PLET1: variants seen among roughly 807,000 people sequenced by gnomAD.
PLET1 encodes the protein placenta-expressed transcript 1 protein.
Under a neutral mutation model 18.5 loss-of-function variants are expected in PLET1, and 20 were observed. That is an observed-to-expected ratio of 1.08 (90% confidence interval 0.76 to 1.57). PLET1 has a LOEUF of 1.57. PLET1 is among the 40% of genes most tolerant of loss of function. The probability of loss-of-function intolerance (pLI) is 0.00; values close to 1 mark genes in which losing one functional copy is unlikely to be tolerated. For synonymous variants in PLET1, 93 were observed against 93.8 expected (o/e 0.99, Z 0.05); for missense variants, 256 against 246.4 (o/e 1.04, Z -0.26).
intron 1 of PLET1, among the ~76,000 whole-genome samples, chr11:112,259,059 T>C (rs1162617912): frequency 6.6e-6 from 1 of 152,220 alleles, no homozygotes; most frequent in Non-Finnish European, 1.5e-5. Context: ...CGAGTTTTGG[T>C]TGTGCTATTT....
intron 1 of PLET1, among the ~76,000 whole-genome samples, chr11:112,255,902 T>C (rs879604989): frequency 6.6e-6 from 1 of 152,218 alleles, no homozygotes; most frequent in Non-Finnish European, 1.5e-5. Context: ...GCTCTGGTTT[T>C]GCTACACACG....
chr11:112,248,617 G>A lies in PLET1; in HGVS notation c.*182C>T, dbSNP rs1013045982. The A allele has an allele frequency of 4.7e-6, 3 of 638,784 alleles. No homozygotes were observed. Among genetic ancestry groups the A allele is most frequent in the Non-Finnish European group, 8.1e-6 (3 of 372,504 alleles). 39.6% of individuals were successfully genotyped at this position (638,784 alleles called of 1,614,324 possible). On this transcript the variant is annotated 3_prime_UTR_variant, in exon 4 of 4. Coordinates refer to ENST00000338832, the MANE Select transcript of PLET1 (RefSeq NM_001145024.1). ...CTGAAAGATCCAGATGAACATCTAT[G>A]TGACCCAAGCCTGCCAATGAGTGCC...
chr11:112,258,311 T>C (rs1158240676), intron 1 of PLET1, among the ~76,000 whole-genome samples: 9 of 141,734 alleles, frequency 6.3e-5, no homozygotes, highest in African/African-American at 2.4e-4. Context: ...TGAGATAGAG[T>C]CTTGCTCTGT....
chr11:112,252,242 G>T, intron 3 of PLET1, 106 bp downstream of exon 3: 2 of 960,350 alleles, frequency 2.1e-6, no homozygotes, highest in Non-Finnish European at 1.6e-6. Context: ...AGATAGCTGA[G>T]TGATGCGTGG....
chr11:112,254,810 G>T, intron 2 of PLET1, among the ~76,000 whole-genome samples: 1 of 134,820 alleles, frequency 7.4e-6, no homozygotes, highest in Admixed American at 7.5e-5. Flanking sequence ...GTGCATGTGT[G>T]GTGTGTGTGG....
At chr11:112,250,415 A>G (rs550649834) in intron 3 of PLET1, among the ~76,000 whole-genome samples, 28 of 151,392 alleles carry the variant, frequency 1.8e-4, no homozygotes, top group Non-Finnish European at 3.5e-4. Flanking sequence ...ACAAGGACAC[A>G]CTCCTGTAAC....
At chr11:112,256,800 T>C (rs543501101) in intron 1 of PLET1, among the ~76,000 whole-genome samples, 18 of 152,374 alleles carry the variant, frequency 1.2e-4, no homozygotes, top group African/African-American at 4.3e-4. Flanking sequence ...TCTAGATCTG[T>C]GCGTCAGGTG....
intron 2 of PLET1, among the ~76,000 whole-genome samples, chr11:112,253,365 C>CT (rs1168661928): frequency 6.6e-6 from 1 of 152,170 alleles, no homozygotes; most frequent in Non-Finnish European, 1.5e-5. Context: ...GAGTCCCCTG[C>CT]TTTCTGCATT....
At chr11:112,250,220 C>CCTT (rs1733095677) in intron 3 of PLET1, among the ~76,000 whole-genome samples, 8 of 49,860 alleles carry the variant, frequency 1.6e-4, no homozygotes, top group African/African-American at 6.2e-4. Context: ...AGAAACAAAC[C>CCTT]TTTTTTTTTT....
chr11:112,258,235 A>G (rs1227258384), intron 1 of PLET1, among the ~76,000 whole-genome samples: 3 of 145,660 alleles, frequency 2.1e-5, no homozygotes, highest in East Asian at 4.0e-4. Context: ...GAAGGCTCCC[A>G]TGTTTCCCCC....
intron 3 of PLET1, among the ~76,000 whole-genome samples, chr11:112,250,550 A>G (rs12290465): frequency 0.024 from 3,712 of 152,274 alleles, 152 homozygotes; most frequent in African/African-American, 0.084. Flanking sequence ...ATAAAGTAAT[A>G]AATTTTGTCA....
At chr11:112,251,958 C>T (rs1299679776) in intron 3 of PLET1, among the ~76,000 whole-genome samples, 1 of 152,186 alleles carries the variant, frequency 6.6e-6, no homozygotes, top group Non-Finnish European at 1.5e-5. Flanking sequence ...CTTTAAAACC[C>T]TTTGGTTAAA....
chr11:112,251,372 T>A (rs1592889105), intron 3 of PLET1, among the ~76,000 whole-genome samples: 1 of 151,176 alleles, frequency 6.6e-6, no homozygotes, highest in South Asian at 2.1e-4. Context: ...TCGCTTGAGG[T>A]CAGGAGTTCA....
At chr11:112,251,973 A>G (rs915502527) in intron 3 of PLET1, among the ~76,000 whole-genome samples, 3 of 152,178 alleles carry the variant, frequency 2.0e-5, no homozygotes, top group African/African-American at 7.2e-5. Context: ...GTTAAAGTCT[A>G]CTGTATCCAT....
rs1860276904 is a variant in PLET1 at position 112,260,463 on chromosome 11, T to A, written c.127A>T (p.Ile43Leu). The change falls in exon 1 of 4, where the codon ATA (isoleucine) becomes TTA (leucine). Residue 43 changes from isoleucine to leucine, a missense_variant. Transcript: ENST00000338832. ...GAACTGGCCTTGATGTCTAGGGTTA[T>A]GGTGTAGTATTCATCAAAGGTGAAG... ...TCFTFDEYYT[I>L]TLDIKASSHI... 1 of 1,551,868 alleles carries A rather than the reference T, an allele frequency of 6.4e-7. No individual in the cohort carries two copies. Among genetic ancestry groups the A allele is most frequent in the African/African-American group, 1.4e-5 (1 of 73,186 alleles).
At chr11:112,254,984 TGATATGTG>T (rs1860207613) in intron 2 of PLET1, among the ~76,000 whole-genome samples, 1 of 57,498 alleles carries the variant, frequency 1.7e-5, no homozygotes, top group Admixed American at 2.4e-4. Context: ...GGTGTGTGTG[TGATATGTG>T]GTGTGTGGTA....
In PLET1 at chr11:112,248,181, AATTT is replaced by A. The variant is rs530340089; in HGVS notation, c.*614_*617del. ...CATTCATTATTCTTGTTTAAAGTAT[AATTT>A]ATTTGTTGTGACAAAAATGTTTTTA... On this transcript the variant is annotated 3_prime_UTR_variant, in exon 4 of 4. Coordinates refer to ENST00000338832, the MANE Select transcript of PLET1 (RefSeq NM_001145024.1). Among the ~76,000 whole-genome samples, 156 of 152,324 alleles carry A rather than the reference AATTT, an allele frequency of 1.0e-3. No individual in the cohort carries two copies. Among genetic ancestry groups the A allele is most frequent in the African/African-American group, 3.7e-3 (154 of 41,570 alleles).
rs1013051801 is a variant in PLET1 at position 112,255,566 on chromosome 11, C to T, written c.208G>A (p.Val70Ile). The change falls in exon 2 of 4, where the codon GTC (valine) becomes ATC (isoleucine). Residue 70 changes from valine (V) to isoleucine (I), a missense_variant. Physicochemically the swap from Val to Ile is conservative, Grantham distance 29. Transcript: ENST00000338832. ...AAGGTTTTCATGACCACAGCATAGA[C>T]GCTGTCATTCACGGGAACAAATACT... ...YSVFVPVNDS[V>I]YAVVMKTLDE... The T allele has an allele frequency of 6.4e-6, 10 of 1,551,074 alleles. No individual in the cohort carries two copies. Among genetic ancestry groups the T allele is most frequent in the East Asian group, 4.9e-5 (2 of 40,932 alleles).
chr11:112,248,859 G>A lies in PLET1; in HGVS notation c.564C>T (p.Ser188=), dbSNP rs1393748818. ...LEGLANQVFS[S]PITEAIYILL... ...GGATATAAATGGCCTCTGTGATGGG[G>A]CTGCTGAAGACTTGGTTGGCCAAGC... The change falls in exon 4 of 4, where the codon AGC becomes AGT. Residue 188 remains serine, a synonymous_variant. Coordinates refer to ENST00000338832, the MANE Select transcript of PLET1 (RefSeq NM_001145024.1). 1.4e-5 allele frequency: 22 copies of A among 1,551,508 alleles called. No homozygotes were observed. Among genetic ancestry groups the A allele is most frequent in the Middle Eastern group, 3.3e-4 (2 of 6,008 alleles).
Sources: gnomAD v4.1 joint callset for allele counts (sites outside exome capture counted in the v4.1 genomes callset) on GRCh38, gnomAD v4.1.1 for gene constraint, MANE v1.5 for transcripts, NCBI Gene and HGNC (gene_info 2026-07-23, HGNC 2026-07-21) for gene names.